The following CA10 variants were observed in gnomAD, a reference collection of about 807,000 sequenced individuals.
CA10 encodes carbonic anhydrase-related protein 10.
Under a neutral mutation model 44.2 loss-of-function variants are expected in CA10, and 14 were observed. The observed-to-expected ratio is 0.32, with a 90% CI of 0.21 to 0.50. The LOEUF is 0.50. Among genes scored for constraint, CA10 ranks in the 20% least tolerant of loss-of-function variants. The pLI is 0.99. For synonymous variants in CA10, 159 were observed against 141.6 expected (o/e 1.12, Z -0.87); for missense variants, 350 against 409.7 (o/e 0.85, Z 1.26).
At chr17:51,831,254 T>TG (rs1222641063) in intron 3 of CA10, among the ~76,000 whole-genome samples, 1 of 152,236 alleles carries the variant, frequency 6.6e-6, no homozygotes. Context: ...TGGCTCTCTC[T>TG]GGCCCTCATG....
intron 3 of CA10, among the ~76,000 whole-genome samples, chr17:51,892,647 C>T (rs1980908100): frequency 1.3e-5 from 2 of 152,166 alleles, no homozygotes; most frequent in African/African-American, 4.8e-5. Flanking sequence ...ATTTATTCTC[C>T]CTAGCCAATT....
In CA10 at chr17:51,772,382, A is replaced by C. The variant is rs371766815; in HGVS notation, c.280-24564T>G. ...TATATGCACTTGCTTATTATTTTAC[A>C]ATGAAAGTGCTGAATGATACGAAGC... On this transcript the variant is annotated intron_variant, in intron 3 of 8. Transcript: ENST00000451037. 3.9e-5 allele frequency among the ~76,000 whole-genome samples: 6 copies of C among 152,366 alleles called. No individual in the cohort carries two copies. The South Asian group carries it at 1.2e-3, about 32-fold the overall frequency.
chr17:51,699,469 G>A (rs779679847), intron 4 of CA10, among the ~76,000 whole-genome samples: 1 of 152,088 alleles, frequency 6.6e-6, no homozygotes, highest in Non-Finnish European at 1.5e-5. Flanking sequence ...GACACACACA[G>A]CCCCCAGGCC....
intron 3 of CA10, among the ~76,000 whole-genome samples, chr17:51,867,951 C>G (rs1440693323): frequency 6.6e-6 from 1 of 152,108 alleles, no homozygotes; most frequent in Non-Finnish European, 1.5e-5. Context: ...TAAATCTAAA[C>G]AGTTTGATGA....
chr17:51,883,771 C>A (rs1326074166), intron 3 of CA10, among the ~76,000 whole-genome samples: 2 of 152,130 alleles, frequency 1.3e-5, no homozygotes, highest in African/African-American at 2.4e-5. Flanking sequence ...ATTTCATTAG[C>A]CATGGCTTTA....
intron 2 of CA10, among the ~76,000 whole-genome samples, chr17:52,018,323 G>A (rs1187338974): frequency 1.3e-5 from 2 of 152,120 alleles, no homozygotes; most frequent in African/African-American, 4.8e-5. Context: ...ACAGGCAATA[G>A]ACTCCAACCT....
rs1489450906 is a variant in CA10, at chr17:52,157,903, AC to A, written c.-118del. The A allele has an allele frequency of 2.5e-6, 2 of 812,444 alleles. No homozygotes were observed. The highest frequency in any genetic ancestry group is 4.3e-6 in the Non-Finnish European group (2 of 463,020). 50.3% of individuals were successfully genotyped at this position (812,444 alleles called of 1,614,324 possible). The stretch of plus-strand genomic sequence containing the variant: ...CACTTCCGAGCGAGTGCACACTCGC[AC>A]TCCCACCCGACAGCCGGCCAGGGAC... On this transcript the variant is annotated 5_prime_UTR_variant, in exon 1 of 9. In the 5' UTR this introduces an upstream ATG that the reference lacks. Transcript: ENST00000451037.
At chr17:52,072,465 A>G in intron 1 of CA10, 72 bp from the exon 2 acceptor site, 1 of 1,078,318 alleles carries the variant, frequency 9.3e-7, no homozygotes, top group Non-Finnish European at 1.4e-6. Context: ...TCCGAGTAAG[A>G]AGGGTGAATA....
chr17:51,726,860 G>A (rs949053830), intron 4 of CA10, among the ~76,000 whole-genome samples: 3 of 152,164 alleles, frequency 2.0e-5, no homozygotes, highest in Non-Finnish European at 4.4e-5. Flanking sequence ...ACAAACAAGA[G>A]GCTCAGAAAG....
intron 2 of CA10, among the ~76,000 whole-genome samples, chr17:52,015,390 A>G (rs780905467): frequency 1.2e-4 from 18 of 152,136 alleles, no homozygotes; most frequent in African/African-American, 2.7e-4. Flanking sequence ...TTTGTCCCCA[A>G]TAGTATATTT....
chr17:51,887,993 CCA>C (rs1284425086), intron 3 of CA10, among the ~76,000 whole-genome samples: 1 of 152,002 alleles, frequency 6.6e-6, no homozygotes, highest in African/African-American at 2.4e-5. Flanking sequence ...CCACTGCACT[CCA>C]GTCTGGGAGA....
In CA10 at chr17:51,684,115, G is replaced by A. The variant is rs78368764; in HGVS notation, c.466-30379C>T. Among the ~76,000 whole-genome samples the A allele has an allele frequency of 7.5e-3, 1,146 of 152,314 alleles. 16 individuals carry two copies. Among genetic ancestry groups the A allele is most frequent in the African/African-American group, 0.027 (1,107 of 41,560 alleles). ...CTAAGTGAGCACAACATAATCACAA[G>A]GATCCTTCCAAGTGAATAGTGGAGC... On this transcript the variant is annotated intron_variant, in intron 4 of 8. Coordinates refer to ENST00000451037, the MANE Select transcript of CA10 (RefSeq NM_020178.5).
intron 2 of CA10, among the ~76,000 whole-genome samples, chr17:51,942,304 C>T (rs767991469): frequency 1.1e-4 from 16 of 152,022 alleles, no homozygotes; most frequent in East Asian, 1.9e-4. Flanking sequence ...AAACACAACA[C>T]AACTGGTCAC....
At chr17:52,045,123 T>C (rs970765980) in intron 2 of CA10, among the ~76,000 whole-genome samples, 19 of 151,804 alleles carry the variant, frequency 1.3e-4, no homozygotes, top group Non-Finnish European at 2.5e-4. Flanking sequence ...CTAGTAAACT[T>C]ACTTAAAACT....
At chr17:51,890,459 A>G (rs1980805448) in intron 3 of CA10, among the ~76,000 whole-genome samples, 1 of 152,208 alleles carries the variant, frequency 6.6e-6, no homozygotes, top group African/African-American at 2.4e-5. Flanking sequence ...GCTGAACTTT[A>G]AGACCCTACC....
chr17:51,705,592 GA>G (rs1429924045), intron 4 of CA10, among the ~76,000 whole-genome samples: 1 of 151,860 alleles, frequency 6.6e-6, no homozygotes, highest in Non-Finnish European at 1.5e-5. Flanking sequence ...ATGAGGACAG[GA>G]AATAGCATCC....
At chr17:52,158,931 T>TGAG (rs904082063), upstream of CA10, among the ~76,000 whole-genome samples, 77 of 151,548 alleles carry the variant, frequency 5.1e-4, no homozygotes, top group African/African-American at 1.7e-3. Flanking sequence ...AGCGCGGCCA[T>TGAG]GAGGAGGAGG....
At chr17:52,018,525 C>T (rs1423840733) in intron 2 of CA10, among the ~76,000 whole-genome samples, 1 of 152,126 alleles carries the variant, frequency 6.6e-6, no homozygotes, top group Non-Finnish European at 1.5e-5. Context: ...TTACTCCTCT[C>T]TTTTGGCCAA....
At chr17:51,874,703 AG>A (rs1000448279) in intron 3 of CA10, among the ~76,000 whole-genome samples, 1 of 152,228 alleles carries the variant, frequency 6.6e-6, no homozygotes, top group African/African-American at 2.4e-5. Context: ...GCCCACTATT[AG>A]AATTAACCAC....
Sources: allele counts gnomAD v4.1 joint callset (sites outside exome capture counted in the v4.1 genomes callset), GRCh38; gene constraint gnomAD v4.1.1; transcripts MANE v1.5; gene names NCBI Gene and HGNC (gene_info 2026-07-23, HGNC 2026-07-21).